Variants in UBE3C observed in about 807,000 individuals in gnomAD.
The protein encoded by UBE3C is ubiquitin-protein ligase E3C.
UBE3C carries 42 observed loss-of-function variants against 129.4 expected under a neutral mutation model. The observed-to-expected ratio is 0.32, with a 90% CI of 0.25 to 0.42. The LOEUF (loss-of-function observed/expected upper bound fraction) is 0.42. Among genes scored for constraint, UBE3C ranks in the 10% least tolerant of loss-of-function variants. UBE3C has a pLI of 1.00. For missense variants in UBE3C, 1,049 were observed against 1,319.1 expected, an observed-to-expected ratio of 0.80 and a Z score of 3.17; for synonymous variants, 510 against 492.4, an observed-to-expected ratio of 1.04 and a Z score of -0.47.
At chr7:157,178,472 GC>G (rs1368571013) in intron 5 of UBE3C, among the ~76,000 whole-genome samples, 1 of 152,146 alleles carries the variant, frequency 6.6e-6, no homozygotes, top group Admixed American at 6.5e-5. Flanking sequence ...CTTAGTGCCA[GC>G]ATACCGTTTG....
chr7:157,199,303 A>G (rs1023117792), intron 10 of UBE3C, among the ~76,000 whole-genome samples: 1 of 152,094 alleles, frequency 6.6e-6, no homozygotes, highest in African/African-American at 2.4e-5. Flanking sequence ...GCGTATTCTT[A>G]GCAAATAAAA....
chr7:157,185,375 T>C (rs937020098), intron 9 of UBE3C, among the ~76,000 whole-genome samples: 8 of 152,266 alleles, frequency 5.3e-5, no homozygotes, highest in Admixed American at 2.6e-4. Context: ...TTACTCTATA[T>C]TCTTTTTTAA....
At chr7:157,152,947 G>A (rs1311194995) in intron 1 of UBE3C, among the ~76,000 whole-genome samples, 3 of 152,248 alleles carry the variant, frequency 2.0e-5, no homozygotes, top group African/African-American at 7.2e-5. Context: ...TGTAATCCTA[G>A]CACTTTGGGA....
At chr7:157,142,591 A>C (rs550658003) in intron 1 of UBE3C, among the ~76,000 whole-genome samples, 4 of 152,160 alleles carry the variant, frequency 2.6e-5, no homozygotes, top group African/African-American at 9.7e-5. Flanking sequence ...TGTGGAGTAC[A>C]TGTAGATTGG....
chr7:157,158,510 G>T (rs1376978539), intron 1 of UBE3C, among the ~76,000 whole-genome samples: 1 of 152,228 alleles, frequency 6.6e-6, no homozygotes, highest in Non-Finnish European at 1.5e-5. Flanking sequence ...CAAGTGGGAA[G>T]CTGCTGCCAA....
In UBE3C at chr7:157,262,534, G is replaced by A. The variant is rs371525696; in HGVS notation, c.3082-5051G>A. On this transcript the variant is annotated intron_variant, in intron 22 of 22. Transcript: ENST00000348165. Reference sequence around the variant, plus strand: ...CCTGGGTTCAAGTGATTCTCCTGCCGCAGCCTCCCGAGTAGGTGGGATTAC... The same window carrying A: ...CCTGGGTTCAAGTGATTCTCCTGCCACAGCCTCCCGAGTAGGTGGGATTAC... Among the ~76,000 whole-genome samples, 71 of 143,384 alleles carry A rather than the reference G, an allele frequency of 5.0e-4. 1 individual carries two copies. The highest frequency in any genetic ancestry group is 1.8e-3 in the African/African-American group (70 of 38,954). 94.1% of individuals were successfully genotyped at this position (143,384 alleles called of 152,430 possible).
intron 10 of UBE3C, among the ~76,000 whole-genome samples, chr7:157,199,255 C>T (rs1013148463): frequency 3.3e-5 from 5 of 152,090 alleles, no homozygotes; most frequent in Non-Finnish European, 5.9e-5. Flanking sequence ...TCGTATTTTT[C>T]GTAGCTTTTT....
At chr7:157,262,408 G>A in intron 22 of UBE3C, among the ~76,000 whole-genome samples, 1 of 19,708 alleles carries the variant, frequency 5.1e-5, no homozygotes, top group Non-Finnish European at 1.3e-4. Flanking sequence ...CTCTTCATAG[G>A]CTTTTTTTTT....
intron 2 of UBE3C, among the ~76,000 whole-genome samples, chr7:157,168,359 C>CT (rs1808274869): frequency 6.7e-6 from 1 of 149,044 alleles, no homozygotes; most frequent in African/African-American, 2.5e-5. Context: ...AAAGGTCCTA[C>CT]TATGCTGGTG....
intron 1 of UBE3C, among the ~76,000 whole-genome samples, chr7:157,150,332 T>G (rs1291232692): frequency 4.0e-5 from 6 of 151,656 alleles, no homozygotes; most frequent in Non-Finnish European, 8.8e-5. Flanking sequence ...TGAGCTGAGA[T>G]CATACCACTG....
rs1808692542 is a variant in UBE3C at position 157,182,475 on chromosome 7, A to C, written c.991+147A>C. ...TTTGCTGGAGGGATGTGGTCTGGGC[A>C]GTGTGTTCCTGGGGACAGTTTCCAG... is the stretch of plus-strand genomic sequence containing the variant. On this transcript the variant is annotated intron_variant, in intron 8 of 22. Coordinates refer to ENST00000348165, the MANE Select transcript of UBE3C (RefSeq NM_014671.3). 9 of 759,434 alleles carry C rather than the reference A, an allele frequency of 1.2e-5. No homozygotes were observed. The South Asian group carries it at 1.8e-4, about 15-fold the overall frequency. The allele number at this position is 759,434 out of a possible 1,614,324, so 47.0% of individuals were successfully genotyped here.
chr7:157,196,553 A>G (rs959430977), intron 10 of UBE3C, among the ~76,000 whole-genome samples: 2 of 152,246 alleles, frequency 1.3e-5, no homozygotes, highest in Non-Finnish European at 2.9e-5. Context: ...TAGTGTATAT[A>G]GTGAGTTTCC....
In UBE3C at chr7:157,254,282, G is replaced by A; in HGVS notation, c.2922G>A (p.Glu974=). ...GTGCACAAGTTCCCATAAGCCTAGAGGACCTAAAATCCTTTACAAACTATT... is the reference window on the plus strand; with the variant it reads ...GTGCACAAGTTCCCATAAGCCTAGAAGACCTAAAATCCTTTACAAACTATT... ...ISGAQVPISL[E]DLKSFTNYSG... Residue 974 remains glutamate, a synonymous_variant, in exon 21 of 23, where the codon GAG becomes GAA. Transcript: ENST00000348165. The A allele has an allele frequency of 6.2e-7, 1 of 1,613,276 alleles. No homozygotes were observed. Among genetic ancestry groups the A allele is most frequent in the Non-Finnish European group, 8.5e-7 (1 of 1,179,856 alleles).
intron 10 of UBE3C, among the ~76,000 whole-genome samples, chr7:157,187,388 TTTTTC>T (rs1321297831): frequency 1.3e-5 from 2 of 151,042 alleles, no homozygotes; most frequent in East Asian, 3.9e-4. Context: ...GGGGTTTTTT[TTTTTC>T]TTCTTCTTCT....
intron 11 of UBE3C, among the ~76,000 whole-genome samples, chr7:157,204,300 A>G (rs1025290641): frequency 6.6e-6 from 1 of 151,878 alleles, no homozygotes; most frequent in Non-Finnish European, 1.5e-5. Flanking sequence ...TTTAGTGGGC[A>G]GAAGTATCAT....
intron 10 of UBE3C, among the ~76,000 whole-genome samples, chr7:157,188,472 G>A (rs902967574): frequency 2.6e-5 from 4 of 152,206 alleles, no homozygotes. Context: ...CCGGCTAATT[G>A]CATGAGAGCA....
chr7:157,209,427 G>A (rs560365229), intron 13 of UBE3C, among the ~76,000 whole-genome samples: 3 of 152,106 alleles, frequency 2.0e-5, no homozygotes, highest in Non-Finnish European at 4.4e-5. Flanking sequence ...AAACTGGGAC[G>A]GTCACATGGT....
intron 1 of UBE3C, among the ~76,000 whole-genome samples, chr7:157,157,593 C>T (rs945605731): frequency 6.6e-6 from 1 of 151,874 alleles, no homozygotes; most frequent in Middle Eastern, 3.2e-3. Context: ...ATTTAACCTG[C>T]AGACATTACT....
At chr7:157,218,429 A>G (rs888660445) in intron 14 of UBE3C, among the ~76,000 whole-genome samples, 1 of 152,178 alleles carries the variant, frequency 6.6e-6, no homozygotes, top group African/African-American at 2.4e-5. Context: ...AGCCTGGGCG[A>G]CAGAGCAAGA....
Sources: allele counts gnomAD v4.1 joint callset (sites outside exome capture counted in the v4.1 genomes callset), GRCh38; gene constraint gnomAD v4.1.1; transcripts MANE v1.5; gene names NCBI Gene and HGNC (gene_info 2026-07-23, HGNC 2026-07-21).